DAZAP1: variants seen among roughly 807,000 people sequenced by gnomAD.
The protein encoded by DAZAP1 is DAZ associated protein 1.
Under a neutral mutation model 60.1 loss-of-function variants are expected in DAZAP1, and 6 were observed. The observed-to-expected ratio is 0.10, with a 90% CI of 0.05 to 0.20. The LOEUF is 0.20. DAZAP1 is among the 10% of genes least tolerant of loss of function. The pLI, the probability that DAZAP1 is intolerant of heterozygous loss-of-function variation, is 1.00. For missense variants in DAZAP1, 366 were observed against 560.4 expected (o/e 0.65, Z 3.50); for synonymous variants, 235 against 215.9 (o/e 1.09, Z -0.78).
chr19:1,420,020 T>G (rs1303973155), intron 4 of DAZAP1, among the ~76,000 whole-genome samples: 16 of 35,988 alleles, frequency 4.4e-4, no homozygotes, highest in Admixed American at 1.6e-3. Flanking sequence ...AAACCATCCC[T>G]ACAGTCACGG....
At position 1,418,215 on chromosome 19, in the gene DAZAP1, A is replaced by G; in HGVS notation, c.82A>G (p.Ser28Gly). 1.2e-6 allele frequency: 2 copies of G among 1,614,140 alleles called. No homozygotes were observed. Among genetic ancestry groups the G allele is most frequent in the South Asian group, 1.1e-5 (1 of 91,084 alleles). ...CGATTTCTGAGCAGAGACTCTGCGCAGCTACTTTTCCCAATATGGAGAAGT... is the reference window on the plus strand; with the variant it reads ...CGATTTCTGAGCAGAGACTCTGCGCGGCTACTTTTCCCAATATGGAGAAGT... Reference protein sequence around the residue: ...DWSTTQETLRSYFSQYGEVVD... With the variant: ...DWSTTQETLRGYFSQYGEVVD... Residue 28 changes from serine (S) to glycine (G), a missense_variant, in exon 3 of 12, where the codon AGC becomes GGC. This residue lies in a region of DAZAP1 where 98 missense variants were observed against 155.3 expected (regional missense o/e 0.63). Coordinates refer to ENST00000233078, the MANE Select transcript of DAZAP1 (RefSeq NM_018959.4). This position sits in a 1 kb window ranked among gnomAD's most constrained non-coding sequence, Gnocchi z 5.7.
rs1569073773 is a variant in DAZAP1 at position 1,422,845 on chromosome 19, C to A, written c.463+449C>A. Among the ~76,000 whole-genome samples, 1 of 148,820 alleles carries A rather than the reference C, an allele frequency of 6.7e-6. No homozygotes were observed. Among genetic ancestry groups the A allele is most frequent in the Non-Finnish European group, 1.5e-5 (1 of 67,618 alleles). On this transcript the variant is annotated intron_variant, in intron 6 of 11. Transcript: ENST00000233078. This position sits in a 1 kb window ranked among gnomAD's most constrained non-coding sequence, Gnocchi z 4.5. ...TTTTCTTTCTTTCTTTTTTCCTTTT[C>A]TTTTCTTTTTCTTTTTTTTCAGTTT... is the stretch of plus-strand genomic sequence containing the variant.
Position 1,407,667 on chromosome 19 carries a change from GCAGAT to G in DAZAP1, c.-105_-101del. On this transcript the variant is annotated 5_prime_UTR_variant, in exon 1 of 12. Transcript: ENST00000233078. ...CCGCCGCCGCCGCCGCCGCCGTTGC[GCAGAT>G]CCGGGCCGCGGCTGTGGGGAGGGCG... 1 of 584,638 alleles carries G rather than the reference GCAGAT, an allele frequency of 1.7e-6. No individual in the cohort carries two copies. The highest frequency in any genetic ancestry group is 7.2e-5 in the South Asian group (1 of 13,872). The allele number at this position is 584,638 out of a possible 1,614,324, so 36.2% of individuals were successfully genotyped here.
In DAZAP1 at chr19:1,417,670, T is replaced by TG. The variant is rs2083027319; in HGVS notation, c.70+133dup. 5 of 863,154 alleles carry TG rather than the reference T, an allele frequency of 5.8e-6. No homozygotes were observed. The South Asian group carries it at 6.8e-5, about 12-fold the overall frequency. The allele number at this position is 863,154 out of a possible 1,614,324, so 53.5% of individuals were successfully genotyped here. A position where few individuals can be genotyped will look rare whatever the true frequency, so the allele number is the denominator to read the frequency against. On this transcript the variant is annotated intron_variant, in intron 2 of 11. Coordinates refer to ENST00000233078, the MANE Select transcript of DAZAP1 (RefSeq NM_018959.4). ...GTCCTTTTGACGTTGTTCTGATTTCTGGGCAGGGGACAGAGTAAGTGTGTA... is the reference window on the plus strand; with the variant it reads ...GTCCTTTTGACGTTGTTCTGATTTCTGGGGCAGGGGACAGAGTAAGTGTGTA...
chr19:1,407,885 C>A, intron 1 of DAZAP1, 83 bp downstream of exon 1: 1 of 1,019,826 alleles, frequency 9.8e-7, no homozygotes. Flanking sequence ...ACGCCGCCCC[C>A]CGGGGCCGCC....
At chr19:1,429,886 C>T (rs1393143479) in intron 8 of DAZAP1, 81 bp from the exon 9 acceptor site, 19 of 1,531,696 alleles carry the variant, frequency 1.2e-5, no homozygotes, top group East Asian at 9.8e-5. Context: ...CAGCCCTTGA[C>T]GTCCATGCTC....
intron 1 of DAZAP1, among the ~76,000 whole-genome samples, chr19:1,413,622 G>A (rs115812424): frequency 0.028 from 4,322 of 152,306 alleles, 223 homozygotes; most frequent in African/African-American, 0.1. Flanking sequence ...GTTAGAAGCT[G>A]CTCTCAAATA....
In DAZAP1 at chr19:1,422,592, C is replaced by T. The variant is rs369991493; in HGVS notation, c.463+196C>T. On this transcript the variant is annotated intron_variant, in intron 6 of 11. Coordinates refer to ENST00000233078, the MANE Select transcript of DAZAP1 (RefSeq NM_018959.4). This position sits in a 1 kb window ranked among gnomAD's most constrained non-coding sequence, Gnocchi z 4.5. Reference sequence around the variant, plus strand: ...CCTGTCTGTGCTTCCCGAGGTCAGACGTCACACATTGTTTTTTGGCTTGTT... The same window carrying T: ...CCTGTCTGTGCTTCCCGAGGTCAGATGTCACACATTGTTTTTTGGCTTGTT... Among the ~76,000 whole-genome samples the T allele has an allele frequency of 5.3e-5, 8 of 152,204 alleles. No individual in the cohort carries two copies. Among genetic ancestry groups the T allele is most frequent in the South Asian group, 4.1e-4 (2 of 4,830 alleles).
At position 1,433,249 on chromosome 19, in the gene DAZAP1, G is replaced by A. The variant is rs2083501305; in HGVS notation, c.1048+559G>A. The A allele has an allele frequency of 5.2e-6, 1 of 191,114 alleles. No individual in the cohort carries two copies. Among genetic ancestry groups the A allele is most frequent in the African/African-American group, 2.4e-5 (1 of 42,180 alleles). The allele number at this position is 191,114 out of a possible 1,614,324, so 11.8% of individuals were successfully genotyped here. The stretch of plus-strand genomic sequence containing the variant: ...AGGAGCTTGTGGGGGGGCGGGGTCA[G>A]CATGGGTCAAGGTCTGCATGTCAGT... On this transcript the variant is annotated intron_variant, in intron 11 of 11. Coordinates refer to ENST00000233078, the MANE Select transcript of DAZAP1 (RefSeq NM_018959.4). The surrounding 1 kb of genome is among the most constrained non-coding windows in gnomAD (Gnocchi z 6.1).
chr19:1,433,476 G>C lies in DAZAP1; in HGVS notation c.1048+786G>C, dbSNP rs1714108810. On this transcript the variant is annotated intron_variant, in intron 11 of 11. Coordinates refer to ENST00000233078, the MANE Select transcript of DAZAP1 (RefSeq NM_018959.4). The surrounding 1 kb of genome is among the most constrained non-coding windows in gnomAD (Gnocchi z 6.1). ...CTGTGAACACGCTTCCTCTAGGCCTGGTGGAGGCCGGGGTGTGGGAGCTGT... is the reference window on the plus strand; with the variant it reads ...CTGTGAACACGCTTCCTCTAGGCCTCGTGGAGGCCGGGGTGTGGGAGCTGT... 1 of 518,972 alleles carries C rather than the reference G, an allele frequency of 1.9e-6. No individual in the cohort carries two copies. The highest frequency in any genetic ancestry group is 3.5e-6 in the Non-Finnish European group (1 of 287,362). The allele number at this position is 518,972 out of a possible 1,614,324, so 32.1% of individuals were successfully genotyped here.
rs557160724 is a variant in DAZAP1 at position 1,418,814 on chromosome 19, C to T, written c.303+83C>T. ...ATGCGTGCCTTCAATCTGCTGTTGTCGCTCGTTAAGATTGAGGGCGACGCA... is the reference window on the plus strand; with the variant it reads ...ATGCGTGCCTTCAATCTGCTGTTGTTGCTCGTTAAGATTGAGGGCGACGCA... On this transcript the variant is annotated intron_variant, in intron 4 of 11. Coordinates refer to ENST00000233078, the MANE Select transcript of DAZAP1 (RefSeq NM_018959.4). This position sits in a 1 kb window ranked among gnomAD's most constrained non-coding sequence, Gnocchi z 5.7. 18 of 1,420,818 alleles carry T rather than the reference C, an allele frequency of 1.3e-5. 1 individual carries two copies. In the South Asian group the frequency reaches 1.4e-4, roughly 11 times the overall value. The allele number at this position is 1,420,818 out of a possible 1,614,324, so 88.0% of individuals were successfully genotyped here.
chr19:1,410,496 A>G (rs924916615), intron 1 of DAZAP1, among the ~76,000 whole-genome samples: 4 of 152,314 alleles, frequency 2.6e-5, no homozygotes. Flanking sequence ...AGCACGCGCG[A>G]TCAGGAAGGC....
At position 1,432,389 on chromosome 19, in the gene DAZAP1, G is replaced by A. The variant is rs943292591; in HGVS notation, c.872-125G>A. On this transcript the variant is annotated intron_variant, in intron 10 of 11. Transcript: ENST00000233078. The surrounding 1 kb of genome is among the most constrained non-coding windows in gnomAD (Gnocchi z 4.9). ...TTCTGTGGATGTCCACAAGGCCTGG[G>A]CGTTCTGTGGGTTTGGGTGGCAGTC... The A allele has an allele frequency of 5.1e-6, 5 of 972,144 alleles. No homozygotes were observed. The African/African-American group carries it at 6.4e-5, about 12-fold the overall frequency. The allele number at this position is 972,144 out of a possible 1,614,324, so 60.2% of individuals were successfully genotyped here. A position where few individuals can be genotyped will look rare whatever the true frequency, so the allele number is the denominator to read the frequency against.
rs570759069 is a variant in DAZAP1, at chr19:1,409,428, C to A, written c.29+1626C>A. Among the ~76,000 whole-genome samples the A allele has an allele frequency of 2.1e-4, 32 of 152,318 alleles. No homozygotes were observed. In the South Asian group the frequency reaches 6.6e-3, roughly 32 times the overall value. On this transcript the variant is annotated intron_variant, in intron 1 of 11. Transcript: ENST00000233078. ...TGGACACCCTTGGGAAGTGGGGCAG[C>A]TGGGGTCCCAGCCTGGGTCTGGAGG... is the stretch of plus-strand genomic sequence containing the variant.
intron 1 of DAZAP1, 138 bp downstream of exon 1, chr19:1,407,940 C>A: frequency 1.3e-6 from 1 of 795,336 alleles, no homozygotes; most frequent in Non-Finnish European, 1.5e-6. Context: ...GACCCGGACT[C>A]GCCGCGGCTT....
At chr19:1,431,099 C>T (rs2083439730) in intron 10 of DAZAP1, among the ~76,000 whole-genome samples, 1 of 151,764 alleles carries the variant, frequency 6.6e-6, no homozygotes, top group Non-Finnish European at 1.5e-5. Context: ...TCAGCCGACA[C>T]ACCCAGAGTT....
At chr19:1,429,478 C>T (rs1469912424) in intron 8 of DAZAP1, among the ~76,000 whole-genome samples, 1 of 152,192 alleles carries the variant, frequency 6.6e-6, no homozygotes, top group Non-Finnish European at 1.5e-5. Flanking sequence ...CTTCCAGCAG[C>T]CACGGAACCC....
intron 1 of DAZAP1, chr19:1,409,813 G>A (rs1460665674): frequency 6.6e-6 from 1 of 152,284 alleles, no homozygotes; most frequent in Non-Finnish European, 1.5e-5. Flanking sequence ...GGCAGATGGC[G>A]GCTCTCAGGA....
At chr19:1,431,831 C>T (rs2083459987) in intron 10 of DAZAP1, among the ~76,000 whole-genome samples, 1 of 152,168 alleles carries the variant, frequency 6.6e-6, no homozygotes, top group South Asian at 2.1e-4. Flanking sequence ...GGAACGGCAC[C>T]GTGATCTGAT....
Sources: allele counts gnomAD v4.1 joint callset (sites outside exome capture counted in the v4.1 genomes callset), GRCh38; gene constraint gnomAD v4.1.1; regional missense constraint gnomAD v4.1.1; non-coding constraint Gnocchi (gnomAD v3.1); transcripts MANE v1.5; gene names NCBI Gene and HGNC (gene_info 2026-07-23, HGNC 2026-07-21).